ACBD6: variants seen among roughly 807,000 people sequenced by gnomAD.
The protein encoded by ACBD6 is acyl-CoA binding domain containing 6, also known as acyl-CoA-binding domain-containing protein 6.
A neutral mutation model predicts 37.2 loss-of-function variants in ACBD6; 28 were observed. The ratio of observed to expected loss-of-function variants is 0.75; its 90% CI spans 0.56 to 1.03. The LOEUF is 1.03. Ranked by LOEUF, ACBD6 falls within the 50% of genes least tolerant of loss-of-function variation. The pLI is 0.00. For missense variants in ACBD6, 340 were observed against 337.4 expected, an observed-to-expected ratio of 1.01 and a Z score of -0.06; for synonymous variants, 113 against 126.8, an observed-to-expected ratio of 0.89 and a Z score of 0.73.
At chr1:180,279,925 T>C (rs1350621518) in intron 9 of ACBD6, among the ~76,000 whole-genome samples, 2 of 152,158 alleles carry the variant, frequency 1.3e-5, no homozygotes, top group Admixed American at 1.3e-4. Context: ...CCACTAGTCA[T>C]TAGTTTTGTT....
chr1:180,435,288 GC>G, intron 3 of ACBD6: 1 of 530,000 alleles, frequency 1.9e-6, no homozygotes. Context: ...TTGCTCTGTC[GC>G]CCAGGTTGGA....
intron 3 of ACBD6, among the ~76,000 whole-genome samples, chr1:180,443,645 C>A (rs1649368049): frequency 1.3e-5 from 2 of 152,102 alleles, no homozygotes; most frequent in South Asian, 4.1e-4. Context: ...TGAAGTCTCA[C>A]TCTGTCGCCC....
rs576905713 is a variant in ACBD6, at chr1:180,421,974, T to G, written c.467+8206A>C. On this transcript the variant is annotated intron_variant, in intron 4 of 7. Coordinates refer to ENST00000367595, the MANE Select transcript of ACBD6 (RefSeq NM_032360.4). ...TTTCTAAACTTATCAAATCATCCTT[T>G]GCTGGCATTACATTTTCCAGGTATA... Among the ~76,000 whole-genome samples the G allele has an allele frequency of 3.9e-5, 6 of 152,348 alleles. No individual in the cohort carries two copies. The South Asian group carries it at 8.3e-4, about 21-fold the overall frequency.
intron 5 of ACBD6, among the ~76,000 whole-genome samples, chr1:180,410,724 A>G (rs946665695): frequency 2.0e-5 from 3 of 152,190 alleles, no homozygotes; most frequent in Non-Finnish European, 2.9e-5. Context: ...TGGTCATCCA[A>G]GAGTGCTCAT....
chr1:180,492,165 A>G (rs1651530206), intron 3 of ACBD6, 104 bp downstream of exon 3: 1 of 829,432 alleles, frequency 1.2e-6, no homozygotes, highest in Admixed American at 2.3e-5. Flanking sequence ...CAAGAAAGTA[A>G]AACTTTAAGC....
At chr1:180,296,981 C>T (rs1009124633) in intron 7 of ACBD6, among the ~76,000 whole-genome samples, 5 of 151,926 alleles carry the variant, frequency 3.3e-5, no homozygotes, top group African/African-American at 1.2e-4. Context: ...AAAAAATTAG[C>T]TGGGTGTGGT....
At chr1:180,278,022 A>G (rs975635155) in intron 9 of ACBD6, 1 of 152,226 alleles carries the variant, frequency 6.6e-6, no homozygotes, top group African/African-American at 2.4e-5. Flanking sequence ...GTGATTTCCA[A>G]CTGCCTCTTT....
At chr1:180,332,879 C>G (rs1314644205) in intron 6 of ACBD6, among the ~76,000 whole-genome samples, 1 of 152,108 alleles carries the variant, frequency 6.6e-6, no homozygotes, top group Non-Finnish European at 1.5e-5. Context: ...TTAGTTAAGC[C>G]AGATTATGTC....
chr1:180,470,475 G>A (rs74135188), intron 3 of ACBD6, among the ~76,000 whole-genome samples: 6 of 152,030 alleles, frequency 3.9e-5, no homozygotes, highest in East Asian at 1.9e-4. Flanking sequence ...AAAGTCAATC[G>A]CCTTTCAGAT....
chr1:180,430,169 A>T lies in ACBD6; in HGVS notation c.467+11T>A. The T allele has an allele frequency of 6.2e-7, 1 of 1,607,624 alleles. No homozygotes were observed. The highest frequency in any genetic ancestry group is 2.2e-5 in the East Asian group (1 of 44,778). The stretch of plus-strand genomic sequence containing the variant: ...TATATTTCTATTATCAAAGATCAGA[A>T]GAGAAATTACCTGATGGTTTCTTCA... On this transcript the variant is annotated intron_variant, in intron 4 of 7. Transcript: ENST00000367595.
intron 6 of ACBD6, among the ~76,000 whole-genome samples, chr1:180,396,469 C>T (rs1460348661): frequency 6.6e-6 from 1 of 151,872 alleles, no homozygotes; most frequent in Non-Finnish European, 1.5e-5. Context: ...AAATTTACAA[C>T]CTGTGCATCA....
chr1:180,458,598 C>T (rs4609392), intron 3 of ACBD6, among the ~76,000 whole-genome samples: 148,628 of 152,314 alleles, frequency 0.98, 72,540 homozygotes, highest in African/African-American at 0.99. Context: ...TAACCAGGGC[C>T]TAAAAAAACA....
intron 3 of ACBD6, among the ~76,000 whole-genome samples, chr1:180,440,939 T>A (rs1348570240): frequency 1.3e-5 from 2 of 152,250 alleles, no homozygotes; most frequent in African/African-American, 4.8e-5. Flanking sequence ...CAAATTTTGC[T>A]TATCCACTCA....
At chr1:180,352,691 A>C (rs961108178) in intron 6 of ACBD6, among the ~76,000 whole-genome samples, 1 of 152,228 alleles carries the variant, frequency 6.6e-6, no homozygotes. Context: ...CAAGTGTGTG[A>C]TATGTTCAAG....
chr1:180,313,136 ATCTT>A (rs1206039498), intron 7 of ACBD6, among the ~76,000 whole-genome samples: 2 of 152,174 alleles, frequency 1.3e-5, no homozygotes, highest in Non-Finnish European at 2.9e-5. Flanking sequence ...GTCAGCACAT[ATCTT>A]TCTTTCTTTT....
At chr1:180,408,821 A>G (rs958923645) in intron 5 of ACBD6, among the ~76,000 whole-genome samples, 2 of 152,134 alleles carry the variant, frequency 1.3e-5, no homozygotes, top group East Asian at 3.8e-4. Flanking sequence ...GAAGTATATT[A>G]TTTAGAATTA....
At chr1:180,413,817 T>C (rs1193456771) in intron 4 of ACBD6, among the ~76,000 whole-genome samples, 1 of 152,134 alleles carries the variant, frequency 6.6e-6, no homozygotes, top group Non-Finnish European at 1.5e-5. Context: ...AATCAAAGAC[T>C]AGAAAGAAAA....
At chr1:180,423,837 A>G (rs1648471827) in intron 4 of ACBD6, among the ~76,000 whole-genome samples, 2 of 152,210 alleles carry the variant, frequency 1.3e-5, no homozygotes, top group South Asian at 4.1e-4. Context: ...CGTATCAGAA[A>G]AAGCACAGAT....
At chr1:180,393,782 A>G (rs1481254028) in intron 6 of ACBD6, among the ~76,000 whole-genome samples, 7 of 152,228 alleles carry the variant, frequency 4.6e-5, no homozygotes, top group Admixed American at 4.6e-4. Context: ...ATAGATTATG[A>G]CTGTCAAAAG....
Sources: gnomAD v4.1 joint callset for allele counts (sites outside exome capture counted in the v4.1 genomes callset) on GRCh38, gnomAD v4.1.1 for gene constraint, MANE v1.5 for transcripts, NCBI Gene and HGNC (gene_info 2026-07-23, HGNC 2026-07-21) for gene names.